Variants in LRIG1 observed in about 807,000 individuals in gnomAD.
The protein encoded by LRIG1 is leucine rich repeats and immunoglobulin like domains 1, also known as leucine-rich repeats and immunoglobulin-like domains protein 1.
LRIG1 carries 48 observed loss-of-function variants against 99.2 expected under a neutral mutation model. That is an observed-to-expected ratio of 0.48 (90% CI 0.38 to 0.62). LRIG1 has a LOEUF of 0.62. Ranked by LOEUF, LRIG1 falls within the 20% of genes least tolerant of loss-of-function variation. The pLI is 0.00. For missense variants in LRIG1, 1,646 were observed against 1,434.4 expected (o/e 1.15, Z -2.38); for synonymous variants, 772 against 596.1 (o/e 1.29, Z -4.30).
chr3:66,500,152 C>A, intron 1 of LRIG1, 38 bp downstream of exon 1: 1 of 1,473,614 alleles, frequency 6.8e-7, no homozygotes, highest in African/African-American at 1.4e-5. Context: ...AGTGACAGAG[C>A]CCCGGGGCGC....
chr3:66,394,273 A>AC, intron 11 of LRIG1, 70 bp from the exon 12 acceptor site: 11 of 1,332,472 alleles, frequency 8.3e-6, no homozygotes, highest in Middle Eastern at 2.6e-4. Flanking sequence ...CACACACACA[A>AC]TGATCAGTCG....
intron 1 of LRIG1, among the ~76,000 whole-genome samples, chr3:66,467,022 A>C (rs1284958362): frequency 2.0e-5 from 3 of 152,214 alleles, no homozygotes; most frequent in Non-Finnish European, 4.4e-5. Context: ...TCTTTCAGCT[A>C]ATCTGCTGAA....
chr3:66,437,488 G>A (rs1703398746), intron 3 of LRIG1, among the ~76,000 whole-genome samples: 1 of 152,136 alleles, frequency 6.6e-6, no homozygotes, highest in African/African-American at 2.4e-5. Context: ...AGGCAAGCAA[G>A]ACTTATCCCC....
At chr3:66,380,926 G>A in intron 17 of LRIG1, 65 bp from the exon 18 acceptor site, 3 of 1,542,762 alleles carry the variant, frequency 1.9e-6, no homozygotes, top group Admixed American at 1.7e-5. Flanking sequence ...CCACACAGAG[G>A]ACAGGCTGCT....
rs1011341596 is a variant in LRIG1, at chr3:66,434,730, G to C, written c.365+16829C>G. ...CCACTGCACTCCAGCCTGAGCAACA[G>C]AGCGAGACTCTGTCTCAAAAAAATT... On this transcript the variant is annotated intron_variant, in intron 3 of 18. Coordinates refer to ENST00000273261, the MANE Select transcript of LRIG1 (RefSeq NM_015541.3). Among the ~76,000 whole-genome samples, 4 of 142,856 alleles carry C rather than the reference G, an allele frequency of 2.8e-5. 1 individual carries two copies. The highest frequency in any genetic ancestry group is 4.4e-4 in the South Asian group (2 of 4,546). The allele number at this position is 142,856 out of a possible 152,430, so 93.7% of individuals were successfully genotyped here.
chr3:66,411,842 C>G (rs967949177), intron 6 of LRIG1, among the ~76,000 whole-genome samples: 9 of 150,450 alleles, frequency 6.0e-5, no homozygotes, highest in African/African-American at 1.5e-4. Context: ...TTGGAAGGAA[C>G]AACCAGCAAA....
chr3:66,472,307 A>G (rs1454067564), intron 1 of LRIG1, among the ~76,000 whole-genome samples: 226 of 8,972 alleles, frequency 0.025, 1 homozygote, highest in African/African-American at 0.031. Flanking sequence ...CTGTCTCAAA[A>G]AAAAAAAAAA....
At chr3:66,412,673 T>C (rs889490482) in intron 6 of LRIG1, among the ~76,000 whole-genome samples, 198 bp downstream of exon 6, 6 of 152,228 alleles carry the variant, frequency 3.9e-5, no homozygotes, top group South Asian at 2.1e-4. Context: ...CACAGCTGAA[T>C]GCTGGTGTGG....
chr3:66,416,725 TAGAC>T (rs1194479648), intron 4 of LRIG1, among the ~76,000 whole-genome samples: 2 of 152,340 alleles, frequency 1.3e-5, no homozygotes, highest in Admixed American at 1.3e-4. Context: ...TAAGCCCTGT[TAGAC>T]AGGCTTCCAA....
intron 11 of LRIG1, among the ~76,000 whole-genome samples, chr3:66,395,154 G>A (rs1023371293): frequency 6.6e-6 from 1 of 152,138 alleles, no homozygotes; most frequent in African/African-American, 2.4e-5. Context: ...CCCACGATAA[G>A]GGAAGACTGG....
At chr3:66,411,493 TGCCTA>T (rs1234131216) in intron 6 of LRIG1, among the ~76,000 whole-genome samples, 3 of 152,266 alleles carry the variant, frequency 2.0e-5, no homozygotes, top group African/African-American at 7.2e-5. Flanking sequence ...CAAAATGACA[TGCCTA>T]AGGAGGTCAA....
At chr3:66,458,743 G>GT (rs1429940838) in intron 2 of LRIG1, among the ~76,000 whole-genome samples, 2 of 151,998 alleles carry the variant, frequency 1.3e-5, no homozygotes, top group Non-Finnish European at 2.9e-5. Flanking sequence ...CAGGCCAGGC[G>GT]TGGTGGCTCA....
At chr3:66,397,640 G>C (rs1053408076) in intron 11 of LRIG1, among the ~76,000 whole-genome samples, 2 of 152,132 alleles carry the variant, frequency 1.3e-5, no homozygotes, top group Non-Finnish European at 2.9e-5. Context: ...GGTATGGGCA[G>C]ACACCACTGC....
At chr3:66,470,010 T>C (rs1461739216) in intron 1 of LRIG1, among the ~76,000 whole-genome samples, 1 of 152,082 alleles carries the variant, frequency 6.6e-6, no homozygotes, top group Non-Finnish European at 1.5e-5. Context: ...AAATTGGTAG[T>C]TTGTGGGTAC....
intron 1 of LRIG1, among the ~76,000 whole-genome samples, chr3:66,471,168 C>G (rs1700586725): frequency 6.6e-6 from 1 of 152,144 alleles, no homozygotes; most frequent in Non-Finnish European, 1.5e-5. Flanking sequence ...CAAGAGGTGC[C>G]TACAGCCACC....
At chr3:66,500,160 C>A in intron 1 of LRIG1, 30 bp downstream of exon 1, 1 of 1,491,768 alleles carries the variant, frequency 6.7e-7, no homozygotes, top group Non-Finnish European at 8.9e-7. Context: ...AGCCCCGGGG[C>A]GCAGAGAGGG....
At position 66,380,152 on chromosome 3, in the gene LRIG1, G is replaced by A; in HGVS notation, c.*111C>T. On this transcript the variant is annotated 3_prime_UTR_variant, in exon 19 of 19. Coordinates refer to ENST00000273261, the MANE Select transcript of LRIG1 (RefSeq NM_015541.3). The stretch of plus-strand genomic sequence containing the variant: ...TGTGAGCGACTGATACTCCACATGG[G>A]AGTTACAACTATGTACAGATGAGTG... 1 of 794,692 alleles carries A rather than the reference G, an allele frequency of 1.3e-6. No homozygotes were observed. Among genetic ancestry groups the A allele is most frequent in the South Asian group, 1.8e-5 (1 of 54,054 alleles). 49.2% of individuals were successfully genotyped at this position (794,692 alleles called of 1,614,324 possible). A position where few individuals can be genotyped will look rare whatever the true frequency, so the allele number is the denominator to read the frequency against.
Position 66,380,675 on chromosome 3 carries a change from C to T in LRIG1, c.2957G>A (p.Gly986Glu). The T allele has an allele frequency of 6.2e-7, 1 of 1,614,188 alleles. No individual in the cohort carries two copies. Among genetic ancestry groups the T allele is most frequent in the East Asian group, 2.2e-5 (1 of 44,882 alleles). The change falls in exon 18 of 19, where the codon GGG (glycine) becomes GAG (glutamate). Residue 986 changes from glycine (G) to glutamate (E), a missense_variant. Coordinates refer to ENST00000273261, the MANE Select transcript of LRIG1 (RefSeq NM_015541.3). ...CGACCCTTGGCACTCGGGGCAGGAC[C>T]CAGCGGCAGTCCTGCTGCACTGGTG... ...PHHQCSRTAA[G>E]SCPECQGSLY...
chr3:66,479,120 A>G (rs1227809215), intron 1 of LRIG1, among the ~76,000 whole-genome samples: 2 of 152,194 alleles, frequency 1.3e-5, no homozygotes, highest in East Asian at 3.8e-4. Flanking sequence ...ACCTGTCCAG[A>G]GCAATTACCC....
Sources: allele counts gnomAD v4.1 joint callset (sites outside exome capture counted in the v4.1 genomes callset), GRCh38; gene constraint gnomAD v4.1.1; transcripts MANE v1.5; gene names NCBI Gene and HGNC (gene_info 2026-07-23, HGNC 2026-07-21).